ADGRL4: variants seen among roughly 807,000 people sequenced by gnomAD.
ADGRL4 encodes adhesion G protein-coupled receptor L4.
Under a neutral mutation model 74.8 loss-of-function variants are expected in ADGRL4, and 90 were observed. The observed-to-expected ratio is 1.20, with a 90% CI of 1.02 to 1.43. The LOEUF is 1.43. Ranked by LOEUF, ADGRL4 falls within the 40% of genes most tolerant of loss-of-function variation. The pLI is 0.00. For synonymous variants in ADGRL4, 311 were observed against 279.2 expected (o/e 1.11, Z -1.14); for missense variants, 881 against 814.3 (o/e 1.08, Z -1.00).
chr1:78,933,279 AC>A (rs1452672204), intron 7 of ADGRL4, among the ~76,000 whole-genome samples: 3 of 151,428 alleles, frequency 2.0e-5, no homozygotes, highest in African/African-American at 7.4e-5. Flanking sequence ...TTCAACATAC[AC>A]AAATCAATAA....
Position 78,889,769 on chromosome 1 carries a change from T to C in ADGRL4, c.*1385A>G, listed in dbSNP as rs761950054. 3.4e-5 allele frequency: 15 copies of C among 446,766 alleles called. No homozygotes were observed. The highest frequency in any genetic ancestry group is 2.3e-4 in the South Asian group (14 of 60,180). 27.7% of individuals were successfully genotyped at this position (446,766 alleles called of 1,614,324 possible). A position where few individuals can be genotyped will look rare whatever the true frequency, so the allele number is the denominator to read the frequency against. ...CAAAGCTGTAGCGGAATTACTTCAT[T>C]TAGATAACATTTTATTTGTTAGAGC... On this transcript the variant is annotated 3_prime_UTR_variant, in exon 15 of 15. Transcript: ENST00000370742.
In ADGRL4 at chr1:78,975,361, AC is replaced by A. The variant is rs369522232; in HGVS notation, c.173-28936del. Among the ~76,000 whole-genome samples, 540 of 152,224 alleles carry A rather than the reference AC, an allele frequency of 3.5e-3. 2 individuals carry two copies. The highest frequency in any genetic ancestry group is 0.012 in the African/African-American group (519 of 41,572). On this transcript the variant is annotated intron_variant, in intron 2 of 14. Transcript: ENST00000370742. Reference sequence around the variant, plus strand: ...TGATGGTAAATCCTATATTTAAAAAACAAATGAGAATTATGATGCCATATGT... The same window carrying A: ...TGATGGTAAATCCTATATTTAAAAAAAAATGAGAATTATGATGCCATATGT...
rs537207809 is a variant in ADGRL4, at chr1:78,890,133, A to C, written c.*1021T>G. On this transcript the variant is annotated 3_prime_UTR_variant, in exon 15 of 15. Transcript: ENST00000370742. ...GTGTGTACTTTTCTGAACAGAAAAA[A>C]TAGCAATTCACTTTATAAATACTTT... 6.5e-6 allele frequency: 1 copy of C among 154,996 alleles called. No individual in the cohort carries two copies. Among genetic ancestry groups the C allele is most frequent in the African/African-American group, 2.4e-5 (1 of 41,598 alleles). The allele number at this position is 154,996 out of a possible 1,614,324, so 9.6% of individuals were successfully genotyped here.
At chr1:78,899,504 C>A (rs1022554795) in intron 12 of ADGRL4, among the ~76,000 whole-genome samples, 1 of 152,116 alleles carries the variant, frequency 6.6e-6, no homozygotes, top group Admixed American at 6.6e-5. Flanking sequence ...CAGGTGCACA[C>A]CACCATACCT....
At chr1:78,990,272 A>T (rs1465055393) in intron 2 of ADGRL4, among the ~76,000 whole-genome samples, 3 of 151,892 alleles carry the variant, frequency 2.0e-5, no homozygotes, top group Non-Finnish European at 4.4e-5. Flanking sequence ...TCATATTTCT[A>T]TCCAATTTTA....
At chr1:78,947,507 G>A (rs940387367) in intron 2 of ADGRL4, among the ~76,000 whole-genome samples, 2 of 152,144 alleles carry the variant, frequency 1.3e-5, no homozygotes, top group African/African-American at 4.8e-5. Context: ...GAAGCAGCAT[G>A]GTTCTGCTGA....
At chr1:78,891,306 G>T (rs1648267930) in intron 14 of ADGRL4, 90 bp from the exon 15 acceptor site, 3 of 1,366,046 alleles carry the variant, frequency 2.2e-6, no homozygotes, top group Non-Finnish European at 3.0e-6. Context: ...GTTACATATG[G>T]TTTTCTAAAG....
chr1:78,901,141 A>G (rs188709352), intron 12 of ADGRL4, among the ~76,000 whole-genome samples: 1 of 152,262 alleles, frequency 6.6e-6, no homozygotes, highest in East Asian at 1.9e-4. Flanking sequence ...ATTCCATGCA[A>G]TATTTGGGGG....
At chr1:79,004,428 T>A (rs946596728) in intron 2 of ADGRL4, among the ~76,000 whole-genome samples, 4 of 152,096 alleles carry the variant, frequency 2.6e-5, no homozygotes, top group African/African-American at 7.2e-5. Context: ...AATTTGATTA[T>A]CAGATGGTGT....
chr1:78,957,815 T>G (rs1649866105), intron 2 of ADGRL4, among the ~76,000 whole-genome samples: 1 of 151,956 alleles, frequency 6.6e-6, no homozygotes, highest in Non-Finnish European at 1.5e-5. Flanking sequence ...AGCCTTCTAT[T>G]GGAAGAAGAT....
intron 2 of ADGRL4, among the ~76,000 whole-genome samples, chr1:78,982,051 A>G (rs553018527): frequency 6.6e-6 from 1 of 152,002 alleles, no homozygotes; most frequent in East Asian, 1.9e-4. Flanking sequence ...TTTGAACCTT[A>G]CACAAATTTT....
At chr1:78,920,868 T>G (rs1648982844) in intron 9 of ADGRL4, among the ~76,000 whole-genome samples, 1 of 151,844 alleles carries the variant, frequency 6.6e-6, no homozygotes, top group South Asian at 2.1e-4. Context: ...AAATAGAAAA[T>G]GCTGGTTTTA....
At chr1:78,947,946 G>T (rs1463455006) in intron 2 of ADGRL4, among the ~76,000 whole-genome samples, 1 of 152,050 alleles carries the variant, frequency 6.6e-6, no homozygotes, top group African/African-American at 2.4e-5. Context: ...ATTACTAAAA[G>T]TTGAAGATTA....
In ADGRL4 at chr1:78,920,910, C is replaced by T. The variant is rs552707174; in HGVS notation, c.1258-524G>A. 7.9e-4 allele frequency among the ~76,000 whole-genome samples: 120 copies of T among 151,686 alleles called. 1 individual carries two copies. The highest frequency in any genetic ancestry group is 1.2e-3 in the South Asian group (6 of 4,810). ...CTAGATGAATACTTATGTTTATATA[C>T]GGAATAGATGTTTATTTGCTTAAGT... On this transcript the variant is annotated intron_variant, in intron 9 of 14. Transcript: ENST00000370742.
intron 12 of ADGRL4, among the ~76,000 whole-genome samples, chr1:78,908,428 A>T (rs1015339631): frequency 3.3e-5 from 5 of 152,084 alleles, no homozygotes; most frequent in Non-Finnish European, 7.4e-5. Context: ...TTAAAAAGTT[A>T]TAAATAGCAG....
At chr1:78,968,263 AT>A (rs1276836428) in intron 2 of ADGRL4, among the ~76,000 whole-genome samples, 1 of 151,974 alleles carries the variant, frequency 6.6e-6, no homozygotes, top group Non-Finnish European at 1.5e-5. Context: ...GGTGGGAAAT[AT>A]TTTAAAAATA....
In ADGRL4 at chr1:78,952,294, G is replaced by A. The variant is rs548028406; in HGVS notation, c.173-5868C>T. 6.2e-5 allele frequency among the ~76,000 whole-genome samples: 9 copies of A among 145,712 alleles called. No individual in the cohort carries two copies. In the South Asian group the frequency reaches 1.8e-3, roughly 29 times the overall value. Reference sequence around the variant, plus strand: ...CATTATGTGATTCCTTGTAAAACAGGCCCTCTGTGTCAAAGGTGGAGTAAC... The same window carrying A: ...CATTATGTGATTCCTTGTAAAACAGACCCTCTGTGTCAAAGGTGGAGTAAC... On this transcript the variant is annotated intron_variant, in intron 2 of 14. Transcript: ENST00000370742.
intron 2 of ADGRL4, among the ~76,000 whole-genome samples, chr1:79,000,846 T>C (rs968647361): frequency 6.6e-6 from 1 of 152,112 alleles, no homozygotes; most frequent in Non-Finnish European, 1.5e-5. Flanking sequence ...AAACCTCTCT[T>C]TAAACAAATT....
intron 12 of ADGRL4, among the ~76,000 whole-genome samples, chr1:78,908,274 C>A (rs1443787497): frequency 6.6e-6 from 1 of 151,924 alleles, no homozygotes; most frequent in Non-Finnish European, 1.5e-5. Context: ...GTGATTAGAA[C>A]CTATACTGTG....
Sources: allele counts gnomAD v4.1 joint callset (sites outside exome capture counted in the v4.1 genomes callset), GRCh38; gene constraint gnomAD v4.1.1; transcripts MANE v1.5; gene names NCBI Gene and HGNC (gene_info 2026-07-23, HGNC 2026-07-21).